The following DCAF8L2 variants were observed in gnomAD, a reference collection of about 807,000 sequenced individuals.
DCAF8L2 encodes DDB1 and CUL4 associated factor 8 like 2.
For synonymous variants in DCAF8L2, 200 were observed against 190.9 expected, an observed-to-expected ratio of 1.05 and a Z score of -0.39; for missense variants, 430 against 490.7, an observed-to-expected ratio of 0.88 and a Z score of 1.17.
chrX:27,634,957 T>TACACACACAC (rs571012816), intron 2 of DCAF8L2, among the ~76,000 whole-genome samples: 129 of 99,597 alleles, frequency 1.3e-3, no homozygotes, highest in African/African-American at 4.3e-3. Flanking sequence ...ACCATGTATA[T>TACACACACAC]ACACACACAC....
At chrX:27,565,136 T>C in the DCAF8L2 span, among the ~76,000 whole-genome samples, 1 of 110,788 alleles carries the variant, frequency 9.0e-6, no homozygotes, top group Non-Finnish European at 1.9e-5. Context: ...TACCAGACCT[T>C]AGAGGGCAAG....
chrX:27,694,572 T>C (rs1930828419), intron 3 of DCAF8L2, among the ~76,000 whole-genome samples: 1 of 111,123 alleles, frequency 9.0e-6, no homozygotes, highest in Non-Finnish European at 1.9e-5. Context: ...CTGTTGCTTC[T>C]TTAAAACATA....
At chrX:27,479,658 C>A in the DCAF8L2 span, among the ~76,000 whole-genome samples, 1 of 111,828 alleles carries the variant, frequency 8.9e-6, no homozygotes, top group Admixed American at 9.5e-5. Context: ...TGGTGAATTT[C>A]TTTGTCGCCA....
intron 1 of DCAF8L2, among the ~76,000 whole-genome samples, chrX:27,599,017 G>T (rs1356194609): frequency 9.3e-6 from 1 of 107,465 alleles, no homozygotes; most frequent in Non-Finnish European, 1.9e-5. Flanking sequence ...ACTTCTGGGT[G>T]TTTATCCAAA....
intron 1 of DCAF8L2, among the ~76,000 whole-genome samples, chrX:27,625,153 A>G (rs747597321): frequency 8.9e-6 from 1 of 112,104 alleles, no homozygotes; most frequent in Admixed American, 9.5e-5. Context: ...TAACAAGCCA[A>G]AAACAGAAAA....
the DCAF8L2 span, among the ~76,000 whole-genome samples, chrX:27,573,227 T>C: frequency 1.3e-5 from 1 of 78,392 alleles, no homozygotes; most frequent in Non-Finnish European, 2.4e-5. Flanking sequence ...AACAGGTATT[T>C]AAGAAATCTC....
the DCAF8L2 span, chrX:27,519,561 C>G: frequency 2.9e-6 from 2 of 701,219 alleles, no homozygotes; most frequent in Non-Finnish European, 4.6e-6. Flanking sequence ...TGTCTACCCT[C>G]TCTCCACCTC....
the DCAF8L2 span, among the ~76,000 whole-genome samples, chrX:27,552,621 T>C: frequency 8.9e-6 from 1 of 111,940 alleles, no homozygotes; most frequent in African/African-American, 3.2e-5. Flanking sequence ...CATGGATTTA[T>C]TTCTGGTCCC....
chrX:27,680,912 G>A (rs976751795), intron 3 of DCAF8L2, among the ~76,000 whole-genome samples: 2 of 111,912 alleles, frequency 1.8e-5, no homozygotes, highest in Admixed American at 1.9e-4. Flanking sequence ...GGTTAAATCT[G>A]CATTCTTGTT....
the DCAF8L2 span, among the ~76,000 whole-genome samples, chrX:27,513,807 A>G: frequency 1.8e-5 from 2 of 111,883 alleles, no homozygotes; most frequent in Non-Finnish European, 3.8e-5. Flanking sequence ...ATCACTAAAC[A>G]TAAGGAAAAT....
chrX:27,483,009 T>C, the DCAF8L2 span, among the ~76,000 whole-genome samples: 1 of 111,736 alleles, frequency 8.9e-6, no homozygotes, highest in African/African-American at 3.2e-5. Flanking sequence ...AATTCAGTGG[T>C]AACATAAAAC....
At chrX:27,606,412 C>A (rs1482470740) in intron 1 of DCAF8L2, among the ~76,000 whole-genome samples, 1 of 74,826 alleles carries the variant, frequency 1.3e-5, no homozygotes, top group Non-Finnish European at 2.3e-5. Flanking sequence ...ACTCTGTCGC[C>A]CAGGCTGGAG....
the DCAF8L2 span, among the ~76,000 whole-genome samples, chrX:27,552,651 C>T: frequency 9.0e-6 from 1 of 111,648 alleles, no homozygotes; most frequent in African/African-American, 3.3e-5. Flanking sequence ...TTCCATTGGT[C>T]TATACATCTA....
the DCAF8L2 span, among the ~76,000 whole-genome samples, chrX:27,475,876 TC>T: frequency 1.8e-5 from 2 of 111,503 alleles, no homozygotes; most frequent in African/African-American, 6.5e-5. Context: ...GTTGACTACT[TC>T]CTGTGAGCCA....
the DCAF8L2 span, among the ~76,000 whole-genome samples, chrX:27,474,190 G>T: frequency 9.0e-6 from 1 of 111,356 alleles, no homozygotes; most frequent in Non-Finnish European, 1.9e-5. Flanking sequence ...GTGAAACAAA[G>T]GACCGAAAGA....
the DCAF8L2 span, among the ~76,000 whole-genome samples, chrX:27,551,623 G>A: frequency 9.0e-6 from 1 of 111,213 alleles, no homozygotes; most frequent in Non-Finnish European, 1.9e-5. Flanking sequence ...TTAACATTAT[G>A]TTCTCTAAAG....
At chrX:27,584,215 C>T in the DCAF8L2 span, among the ~76,000 whole-genome samples, 1 of 111,549 alleles carries the variant, frequency 9.0e-6, no homozygotes, top group African/African-American at 3.3e-5. Context: ...ATACTATTTG[C>T]TACTTCATGA....
intron 2 of DCAF8L2, among the ~76,000 whole-genome samples, chrX:27,670,178 GT>G (rs1317009491): frequency 5.6e-5 from 2 of 35,708 alleles, no homozygotes; most frequent in East Asian, 1.6e-3. Context: ...TTTTATTTTT[GT>G]TTGTTTGTTT....
chrX:27,724,699 A>G (rs1298414872), intron 4 of DCAF8L2, among the ~76,000 whole-genome samples: 1 of 111,497 alleles, frequency 9.0e-6, no homozygotes, highest in East Asian at 2.8e-4. Flanking sequence ...AGCACATTCA[A>G]TTCTTCACAG....
Sources: allele counts gnomAD v4.1 joint callset (sites outside exome capture counted in the v4.1 genomes callset), GRCh38; gene constraint gnomAD v4.1.1; transcripts MANE v1.5; gene names NCBI Gene and HGNC (gene_info 2026-07-23, HGNC 2026-07-21).